Variants in CTDP1 observed in about 807,000 individuals in gnomAD.
CTDP1 encodes CTD phosphatase 1, also known as RNA polymerase II subunit A C-terminal domain phosphatase.
Under a neutral mutation model 91.8 loss-of-function variants are expected in CTDP1, and 47 were observed. The observed-to-expected ratio is 0.51, with a 90% confidence interval of 0.41 to 0.65. The LOEUF is 0.65. Among genes scored for constraint, CTDP1 ranks in the 30% least tolerant of loss-of-function variants. The pLI is 0.00. For synonymous variants in CTDP1, 656 were observed against 598.5 expected, an observed-to-expected ratio of 1.10 and a Z score of -1.40; for missense variants, 1,272 against 1,373.7, an observed-to-expected ratio of 0.93 and a Z score of 1.17.
At chr18:79,699,025 G>A (rs775881203) in intron 4 of CTDP1, among the ~76,000 whole-genome samples, 5 of 152,152 alleles carry the variant, frequency 3.3e-5, no homozygotes, top group Non-Finnish European at 4.4e-5. Context: ...ACAAACTCTC[G>A]CGTTTTATGC....
intron 1 of CTDP1, among the ~76,000 whole-genome samples, chr18:79,692,497 A>C (rs1044812030): frequency 2.0e-5 from 3 of 152,244 alleles, no homozygotes; most frequent in Non-Finnish European, 2.9e-5. Context: ...CTACAAAAAA[A>C]CACCTGTTTA....
chr18:79,742,162 GC>G (rs1165485029), intron 12 of CTDP1, among the ~76,000 whole-genome samples: 4 of 34,532 alleles, frequency 1.2e-4, no homozygotes, highest in Non-Finnish European at 2.4e-4. Flanking sequence ...CCTGGGGGCA[GC>G]AGAGGAAGCA....
At chr18:79,716,034 T>G (rs2122642244) in intron 8 of CTDP1, among the ~76,000 whole-genome samples, 1 of 152,292 alleles carries the variant, frequency 6.6e-6, no homozygotes, top group South Asian at 2.1e-4. Flanking sequence ...ATGTTGAAAC[T>G]TCCGCCGAAT....
intron 9 of CTDP1, 32 bp from the exon 10 acceptor site, chr18:79,717,778 C>G: frequency 1.2e-6 from 2 of 1,613,738 alleles, no homozygotes; most frequent in Non-Finnish European, 1.7e-6. Context: ...CCGGACGCCC[C>G]GCTCATGGCC....
Position 79,736,480 on chromosome 18 carries a change from T to A in CTDP1, c.2706T>A (p.Pro902=). 3.9e-6 allele frequency: 6 copies of A among 1,548,290 alleles called. No homozygotes were observed. The highest frequency in any genetic ancestry group is 5.2e-6 in the Non-Finnish European group (6 of 1,146,622). Residue 902 remains proline, a synonymous_variant, in exon 12 of 13, where the codon CCT becomes CCA. Coordinates refer to ENST00000613122, the MANE Select transcript of CTDP1 (RefSeq NM_004715.5). ...GTRRERTLGA[P]ASSERSAAGG... ...GCAGGGAGCGGACGCTCGGGGCACCTGCGTCCAGCGAGAGGAGCGCGGCAG... is the reference window on the plus strand; with the variant it reads ...GCAGGGAGCGGACGCTCGGGGCACCAGCGTCCAGCGAGAGGAGCGCGGCAG...
intron 3 of CTDP1, 42 bp from the exon 4 acceptor site, chr18:79,697,818 A>G (rs551843897): frequency 2.5e-6 from 4 of 1,613,866 alleles, no homozygotes; most frequent in African/African-American, 2.7e-5. Flanking sequence ...CTTGGATGCA[A>G]ACATACTGAC....
intron 4 of CTDP1, among the ~76,000 whole-genome samples, chr18:79,704,173 A>C (rs1481456838): frequency 2.0e-5 from 3 of 152,216 alleles, no homozygotes; most frequent in African/African-American, 7.2e-5. Flanking sequence ...GCGTGCATGG[A>C]AACTACTTAC....
chr18:79,752,343 C>T (rs1337177500), intron 12 of CTDP1, among the ~76,000 whole-genome samples: 1 of 136,544 alleles, frequency 7.3e-6, no homozygotes, highest in Non-Finnish European at 1.6e-5. Context: ...TATGCAGAGG[C>T]TCCTAAGGAA....
chr18:79,710,303 CG>C, intron 5 of CTDP1, 42 bp from the exon 6 acceptor site: 1 of 1,495,692 alleles, frequency 6.7e-7, no homozygotes, highest in Non-Finnish European at 9.3e-7. Context: ...GTGACCGAAA[CG>C]TGTCTCAGGT....
intron 1 of CTDP1, chr18:79,681,551 G>GA: frequency 1.1e-6 from 1 of 937,590 alleles, no homozygotes; most frequent in Non-Finnish European, 1.3e-6. Flanking sequence ...AGTTAGTATT[G>GA]AAATTCCATG....
chr18:79,718,454 G>A (rs1160967917), intron 10 of CTDP1, among the ~76,000 whole-genome samples: 1 of 152,230 alleles, frequency 6.6e-6, no homozygotes, highest in Non-Finnish European at 1.5e-5. Context: ...ACACAGAGCA[G>A]ATGCAGGGGT....
At chr18:79,686,851 C>CTCCA in intron 1 of CTDP1, among the ~76,000 whole-genome samples, 1 of 148,956 alleles carries the variant, frequency 6.7e-6, no homozygotes, top group South Asian at 2.1e-4. Context: ...CAGTTGGCTT[C>CTCCA]GTCAGTTCAC....
At position 79,753,727 on chromosome 18, in the gene CTDP1, C is replaced by T; in HGVS notation, c.2823C>T (p.Gly941=). 1 of 1,614,044 alleles carries T rather than the reference C, an allele frequency of 6.2e-7. No homozygotes were observed. Among genetic ancestry groups the T allele is most frequent in the Non-Finnish European group, 8.5e-7 (1 of 1,179,972 alleles). ...SSRESSNEDE[G]SSSEADEMAK... Reference sequence around the variant, plus strand: ...GGGAGTCCAGCAACGAGGATGAGGGCAGCAGCTCCGAGGCCGACGAGATGG... The same window carrying T: ...GGGAGTCCAGCAACGAGGATGAGGGTAGCAGCTCCGAGGCCGACGAGATGG... Residue 941 remains glycine (G), a synonymous_variant, in exon 13 of 13, where the codon GGC becomes GGT. Transcript: ENST00000613122.
intron 12 of CTDP1, among the ~76,000 whole-genome samples, chr18:79,748,514 C>G (rs879370998): frequency 6.6e-6 from 1 of 152,216 alleles, no homozygotes; most frequent in Non-Finnish European, 1.5e-5. Flanking sequence ...CTACGTTTTT[C>G]CAAAGTGCGT....
chr18:79,695,933 CAG>C (rs1568179642), intron 2 of CTDP1, 42 bp from the exon 3 acceptor site: 51 of 1,512,530 alleles, frequency 3.4e-5, no homozygotes, highest in Non-Finnish European at 4.5e-5. Context: ...CATCTGTGCG[CAG>C]AGACTCAGCT....
In CTDP1 at chr18:79,680,461, A is replaced by G. The variant is rs141148211; in HGVS notation, c.314+200A>G. On this transcript the variant is annotated intron_variant, in intron 1 of 12. Coordinates refer to ENST00000613122, the MANE Select transcript of CTDP1 (RefSeq NM_004715.5). Reference sequence around the variant, plus strand: ...TTACCAACGGGGAGCATTTTGAGATAAAAGGAAAGGGTCCTGCGTAGCGAC... The same window carrying G: ...TTACCAACGGGGAGCATTTTGAGATGAAAGGAAAGGGTCCTGCGTAGCGAC... Among the ~76,000 whole-genome samples, 240 of 152,328 alleles carry G rather than the reference A, an allele frequency of 1.6e-3. 1 individual carries two copies. Among genetic ancestry groups the G allele is most frequent in the African/African-American group, 5.3e-3 (220 of 41,594 alleles).
At position 79,753,708 on chromosome 18, in the gene CTDP1, C is replaced by T. The variant is rs368521360; in HGVS notation, c.2804C>T (p.Ser935Phe). The T allele has an allele frequency of 6.2e-7, 1 of 1,613,988 alleles. No homozygotes were observed. The highest frequency in any genetic ancestry group is 1.3e-5 in the African/African-American group (1 of 74,942). ...EDAASESSRE[S>F]SNEDEGSSSE... The stretch of plus-strand genomic sequence containing the variant: ...GCCGCCAGCGAGTCCAGCAGGGAGT[C>T]CAGCAACGAGGATGAGGGCAGCAGC... The change falls in exon 13 of 13, where the codon TCC becomes TTC. Residue 935 changes from serine (S) to phenylalanine (F), a missense_variant. By Grantham distance (155) the Ser-to-Phe change is radical. Transcript: ENST00000613122.
At chr18:79,681,868 T>A (rs1418255114) in intron 1 of CTDP1, among the ~76,000 whole-genome samples, 1 of 152,142 alleles carries the variant, frequency 6.6e-6, no homozygotes, top group Non-Finnish European at 1.5e-5. Context: ...GAATTTGAGG[T>A]GGCTTCTTCC....
intron 1 of CTDP1, chr18:79,683,158 T>G (rs1395953484): frequency 1.3e-5 from 2 of 152,192 alleles, no homozygotes; most frequent in Non-Finnish European, 2.9e-5. Flanking sequence ...AGGTGTTTGA[T>G]TTTTACTAAG....
Sources: gnomAD v4.1 joint callset for allele counts (sites outside exome capture counted in the v4.1 genomes callset) on GRCh38, gnomAD v4.1.1 for gene constraint, MANE v1.5 for transcripts, NCBI Gene and HGNC (gene_info 2026-07-23, HGNC 2026-07-21) for gene names.